The following PRKRIP1 variants were observed in gnomAD, a reference collection of about 807,000 sequenced individuals.
PRKRIP1 encodes PRKR interacting protein 1.
PRKRIP1 carries 29 observed loss-of-function variants against 29.3 expected under a neutral mutation model. The ratio of observed to expected loss-of-function variants is 0.99; its 90% CI spans 0.74 to 1.35. The LOEUF is 1.35. Ranked by LOEUF, PRKRIP1 falls within the 40% of genes most tolerant of loss-of-function variation. The probability of loss-of-function intolerance (pLI) is 0.00; values close to 1 mark genes in which losing one functional copy is unlikely to be tolerated. For missense variants in PRKRIP1, 247 were observed against 236.8 expected (o/e 1.04, Z -0.28); for synonymous variants, 90 against 85.1 (o/e 1.06, Z -0.32).
chr7:102,400,763 G>A (rs536770700), intron 3 of PRKRIP1, among the ~76,000 whole-genome samples: 57 of 152,242 alleles, frequency 3.7e-4, no homozygotes, highest in African/African-American at 1.3e-3. Flanking sequence ...AGCTTCCTGA[G>A]TAGCTGGGAC....
intron 3 of PRKRIP1, among the ~76,000 whole-genome samples, chr7:102,402,102 CCAGGTCACTGCAGTGGGT>C (rs1554571234): frequency 1.3e-5 from 2 of 152,126 alleles, no homozygotes; most frequent in African/African-American, 4.8e-5. Flanking sequence ...CAAAATTCTA[CCAGGTCACTGCAGTGGGT>C]TTGCCTGTCA....
chr7:102,401,596 G>A (rs1422380871), intron 3 of PRKRIP1, among the ~76,000 whole-genome samples: 1 of 152,176 alleles, frequency 6.6e-6, no homozygotes, highest in Non-Finnish European at 1.5e-5. Context: ...AGCCGGGCGT[G>A]GTGGCACATG....
intron 3 of PRKRIP1, among the ~76,000 whole-genome samples, chr7:102,402,748 A>G (rs1489572093): frequency 5.9e-5 from 9 of 152,100 alleles, no homozygotes; most frequent in African/African-American, 2.2e-4. Context: ...GATCACCTCC[A>G]TCAGAGCCCA....
At chr7:102,401,614 T>G (rs191284900) in intron 3 of PRKRIP1, among the ~76,000 whole-genome samples, 2 of 152,246 alleles carry the variant, frequency 1.3e-5, no homozygotes, top group Admixed American at 1.3e-4. Context: ...ATGCCTATAA[T>G]CCCAGCTACT....
intron 2 of PRKRIP1, among the ~76,000 whole-genome samples, chr7:102,399,313 GA>G (rs1381291608): frequency 5.3e-5 from 8 of 152,144 alleles, no homozygotes; most frequent in African/African-American, 1.9e-4. Flanking sequence ...TGCCCCTCCT[GA>G]TACTGCATTT....
At chr7:102,419,212 A>G (rs1398852336) in intron 5 of PRKRIP1, among the ~76,000 whole-genome samples, 2 of 151,952 alleles carry the variant, frequency 1.3e-5, no homozygotes, top group Non-Finnish European at 2.9e-5. Flanking sequence ...TCAGGCGTTC[A>G]AGACCAGCCT....
rs782018191 is a variant in PRKRIP1, at chr7:102,425,106, C to T, written c.550C>T (p.Arg184Ter). The change falls in exon 6 of 6, where the codon CGA (arginine) becomes TGA (stop). Residue 184 changes from arginine (R) to a stop codon, truncating the protein, a stop_gained. Transcript: ENST00000397912. LOFTEE classifies it high-confidence loss of function. ...EEEVPSFTMG[R>*] ...GGAAGTGCCCAGTTTCACCATGGGG[C>T]GATGACAATGTTTGCCACAGCCTCT... is the stretch of plus-strand genomic sequence containing the variant. 1.9e-5 allele frequency: 30 copies of T among 1,611,532 alleles called. No individual in the cohort carries two copies. In the East Asian group the frequency reaches 4.0e-4, roughly 22 times the overall value.
chr7:102,423,461 G>A (rs1796753416), intron 5 of PRKRIP1: 1 of 255,560 alleles, frequency 3.9e-6, no homozygotes, highest in South Asian at 3.7e-5. Context: ...GAGAGAGTCA[G>A]AGAACACGTT....
rs1221016145 is a variant in PRKRIP1 at position 102,425,325 on chromosome 7, C to T, written c.*214C>T. The stretch of plus-strand genomic sequence containing the variant: ...ACACTCAGAGGCACTGCCTTGCAGA[C>T]ACCATCCGTGCTCCTGGTAAAGGGG... On this transcript the variant is annotated 3_prime_UTR_variant, in exon 6 of 6. Coordinates refer to ENST00000397912, the MANE Select transcript of PRKRIP1 (RefSeq NM_024653.4). 1.1e-6 allele frequency: 1 copy of T among 892,474 alleles called. No homozygotes were observed. The highest frequency in any genetic ancestry group is 1.7e-6 in the Non-Finnish European group (1 of 598,106). The allele number at this position is 892,474 out of a possible 1,614,324, so 55.3% of individuals were successfully genotyped here. A position where few individuals can be genotyped will look rare whatever the true frequency, so the allele number is the denominator to read the frequency against.
intron 5 of PRKRIP1, among the ~76,000 whole-genome samples, chr7:102,424,283 C>T (rs372421576): frequency 6.6e-6 from 1 of 152,254 alleles, no homozygotes; most frequent in African/African-American, 2.4e-5. Flanking sequence ...TTGGCTGGCC[C>T]GGGTGAGCCT....
In PRKRIP1 at chr7:102,425,539, C is replaced by G. The variant is rs1586700492; in HGVS notation, c.*428C>G. Reference sequence around the variant, plus strand: ...TCCCACGGGGACTGAAGACACATTACGTGGACCTGGTCCCAGGCTCAGTGA... The same window carrying G: ...TCCCACGGGGACTGAAGACACATTAGGTGGACCTGGTCCCAGGCTCAGTGA... On this transcript the variant is annotated 3_prime_UTR_variant, in exon 6 of 6. Transcript: ENST00000397912. The G allele has an allele frequency of 3.5e-6, 1 of 286,194 alleles. No homozygotes were observed. The highest frequency in any genetic ancestry group is 5.3e-5 in the Admixed American group (1 of 18,694). The allele number at this position is 286,194 out of a possible 1,614,324, so 17.7% of individuals were successfully genotyped here. A position where few individuals can be genotyped will look rare whatever the true frequency, so the allele number is the denominator to read the frequency against.
intron 5 of PRKRIP1, 79 bp from the exon 6 acceptor site, chr7:102,424,935 C>T (rs1195069252): frequency 6.9e-7 from 1 of 1,444,208 alleles, no homozygotes; most frequent in African/African-American, 1.4e-5. Flanking sequence ...TTTGACTTCC[C>T]ATCAGCTCTC....
At chr7:102,416,918 C>T (rs553001468) in intron 5 of PRKRIP1, among the ~76,000 whole-genome samples, 38 of 151,978 alleles carry the variant, frequency 2.5e-4, no homozygotes, top group Admixed American at 4.6e-4. Flanking sequence ...TGTGGTGGCG[C>T]GATCTTGGCT....
intron 5 of PRKRIP1, among the ~76,000 whole-genome samples, chr7:102,418,804 G>A (rs1258963880): frequency 6.6e-6 from 1 of 152,130 alleles, no homozygotes; most frequent in Non-Finnish European, 1.5e-5. Flanking sequence ...CAGCCTTACA[G>A]CTTACAGAGG....
chr7:102,421,787 C>T lies in PRKRIP1; in HGVS notation c.458-3227C>T, dbSNP rs555985842. On this transcript the variant is annotated intron_variant, in intron 5 of 5. Transcript: ENST00000397912. ...CCTCTAGCCTGGTGACAGTGTGAGA[C>T]CCCGTCTCCAAAAAAAAAAAAAAGT... Among the ~76,000 whole-genome samples the T allele has an allele frequency of 2.0e-4, 30 of 151,380 alleles. 1 individual carries two copies. In the South Asian group the frequency reaches 3.3e-3, roughly 17 times the overall value.
intron 5 of PRKRIP1, among the ~76,000 whole-genome samples, chr7:102,418,933 CGA>C (rs1324390625): frequency 1.3e-5 from 2 of 151,968 alleles, no homozygotes; most frequent in African/African-American, 4.8e-5. Flanking sequence ...TGGGCTCAAG[CGA>C]TCCTCCGGCC....
rs1563626858 is a variant in PRKRIP1, at chr7:102,425,043, A to G, written c.487A>G (p.Ser163Gly). 1 of 1,613,930 alleles carries G rather than the reference A, an allele frequency of 6.2e-7. No homozygotes were observed. Among genetic ancestry groups the G allele is most frequent in the Non-Finnish European group, 8.5e-7 (1 of 1,179,990 alleles). ...GPGQPKEQGS[S>G]SSAEASGTEE... is the part of the protein sequence containing the mutation. ...CGGTCAGCCCAAGGAGCAGGGGTCC[A>G]GCAGCTCTGCGGAGGCATCTGGAAC... is the stretch of plus-strand genomic sequence containing the variant. Residue 163 changes from serine (S) to glycine (G), a missense_variant, in exon 6 of 6, where the codon AGC (serine) becomes GGC (glycine). Physicochemically the swap from Ser to Gly is moderately conservative, Grantham distance 56 (BLOSUM62 0). This residue lies in a region of PRKRIP1 where 134 missense variants were observed against 126.6 expected (regional missense o/e 1.06). Coordinates refer to ENST00000397912, the MANE Select transcript of PRKRIP1 (RefSeq NM_024653.4).
intron 5 of PRKRIP1, among the ~76,000 whole-genome samples, chr7:102,416,852 GTGTTT>G (rs1300950644): frequency 6.6e-6 from 1 of 151,426 alleles, no homozygotes; most frequent in Non-Finnish European, 1.5e-5. Flanking sequence ...GCTAATTTTG[GTGTTT>G]TGTTTGTTTG....
Position 102,423,129 on chromosome 7 carries a change from T to G in PRKRIP1, c.458-1885T>G, listed in dbSNP as rs185456611. ...GATCAGACCCTATGCTCTTTTTTTT[T>G]TTTGAGACAGAGTCTGCCTCTGTCA... On this transcript the variant is annotated intron_variant, in intron 5 of 5. Coordinates refer to ENST00000397912, the MANE Select transcript of PRKRIP1 (RefSeq NM_024653.4). 1.5e-3 allele frequency: 663 copies of G among 453,780 alleles called. 19 individuals carry two copies. Among genetic ancestry groups the G allele is most frequent in the South Asian group, 9.5e-3 (610 of 64,380 alleles). The allele number at this position is 453,780 out of a possible 1,614,324, so 28.1% of individuals were successfully genotyped here.
Sources: allele counts gnomAD v4.1 joint callset (sites outside exome capture counted in the v4.1 genomes callset), GRCh38; gene constraint gnomAD v4.1.1; regional missense constraint gnomAD v4.1.1; transcripts MANE v1.5; gene names NCBI Gene and HGNC (gene_info 2026-07-23, HGNC 2026-07-21).